FRY: variants seen among roughly 807,000 people sequenced by gnomAD.
FRY encodes protein furry homolog.
Under a neutral mutation model 348.4 loss-of-function variants are expected in FRY, and 128 were observed. The observed-to-expected ratio is 0.37, with a 90% CI of 0.32 to 0.43. FRY has a LOEUF of 0.43. Among genes scored for constraint, FRY ranks in the 20% least tolerant of loss-of-function variants. The pLI, the probability that FRY is intolerant of heterozygous loss-of-function variation, is 1.00. For synonymous variants in FRY, 1,370 were observed against 1,374.7 expected, an observed-to-expected ratio of 1.00 and a Z score of 0.08; for missense variants, 2,736 against 3,695.2, an observed-to-expected ratio of 0.74 and a Z score of 6.73.
intron 31 of FRY, among the ~76,000 whole-genome samples, chr13:32,206,255 A>C (rs1194412326): frequency 6.6e-6 from 1 of 152,190 alleles, no homozygotes; most frequent in African/African-American, 2.4e-5. Context: ...GGTCCGAGGA[A>C]GAGCAGAAGG....
In FRY at chr13:32,289,194, G is replaced by A. The variant is rs1450291326; in HGVS notation, c.8470-439G>A. ...AAGCCTGACTGTTAGGTTTACACAA[G>A]CCCAGGCGTCTACAGAATTTATAAG... is the stretch of plus-strand genomic sequence containing the variant. On this transcript the variant is annotated intron_variant, in intron 58 of 60. Transcript: ENST00000542859. Among the ~76,000 whole-genome samples the A allele has an allele frequency of 2.0e-5, 3 of 152,222 alleles. No individual in the cohort carries two copies. The East Asian group carries it at 5.8e-4, about 29-fold the overall frequency.
At position 32,100,212 on chromosome 13, in the gene FRY, C is replaced by T. The variant is rs549347200; in HGVS notation, c.271-1751C>T. Reference sequence around the variant, plus strand: ...TCTCCTGCCTCAGCCTCCCGAGTAGCTGGGATTACGGGCACACACCACCTT... The same window carrying T: ...TCTCCTGCCTCAGCCTCCCGAGTAGTTGGGATTACGGGCACACACCACCTT... On this transcript the variant is annotated intron_variant, in intron 2 of 60. Coordinates refer to ENST00000542859, the MANE Select transcript of FRY (RefSeq NM_023037.3). 2.0e-5 allele frequency among the ~76,000 whole-genome samples: 3 copies of T among 152,024 alleles called. No homozygotes were observed. In the East Asian group the frequency reaches 5.8e-4, roughly 29 times the overall value.
chr13:32,229,585 C>A (rs1885798413), intron 40 of FRY, among the ~76,000 whole-genome samples: 1 of 152,130 alleles, frequency 6.6e-6, no homozygotes, highest in Non-Finnish European at 1.5e-5. Context: ...ACTTCAGAGA[C>A]CCGCATGATT....
intron 7 of FRY, among the ~76,000 whole-genome samples, chr13:32,127,778 C>CA (rs529590128): frequency 3.6e-4 from 52 of 143,708 alleles, no homozygotes; most frequent in Non-Finnish European, 5.4e-4. Context: ...GAATCCATCT[C>CA]AAAAAAAAAA....
At chr13:32,132,040 T>C (rs1468394014) in intron 8 of FRY, among the ~76,000 whole-genome samples, 200 bp downstream of exon 8, 1 of 152,116 alleles carries the variant, frequency 6.6e-6, no homozygotes, top group African/African-American at 2.4e-5. Context: ...TCATATATCT[T>C]TGGAGGAGAG....
At chr13:32,185,611 A>G (rs1882984129) in intron 26 of FRY, among the ~76,000 whole-genome samples, 1 of 152,234 alleles carries the variant, frequency 6.6e-6, no homozygotes, top group Admixed American at 6.5e-5. Context: ...TACATTATGG[A>G]GAAAATTATC....
intron 41 of FRY, 31 bp downstream of exon 41, chr13:32,231,331 T>G: frequency 6.2e-7 from 1 of 1,607,534 alleles, no homozygotes; most frequent in Non-Finnish European, 8.5e-7. Context: ...AGATCCCTCT[T>G]TCAGCATTGT....
chr13:32,167,584 G>A (rs1227632666), intron 17 of FRY, among the ~76,000 whole-genome samples: 2 of 152,084 alleles, frequency 1.3e-5, no homozygotes, highest in Non-Finnish European at 2.9e-5. Context: ...TCCAAATAAG[G>A]TCACATTCTG....
chr13:32,187,443 C>T, intron 27 of FRY, 103 bp from the exon 28 acceptor site: 1 of 747,700 alleles, frequency 1.3e-6, no homozygotes, highest in African/African-American at 1.7e-5. Context: ...TTAGAGGGCC[C>T]TTATCATTTA....
At chr13:32,118,230 CT>C (rs543757749) in intron 4 of FRY, among the ~76,000 whole-genome samples, 245 of 151,932 alleles carry the variant, frequency 1.6e-3, no homozygotes, top group Middle Eastern at 3.4e-3. Flanking sequence ...ATACACTTAC[CT>C]TTTTTAAAAA....
At chr13:32,051,372 A>G (rs536335210) in intron 1 of FRY, among the ~76,000 whole-genome samples, 5 of 152,320 alleles carry the variant, frequency 3.3e-5, no homozygotes, top group Admixed American at 1.3e-4. Flanking sequence ...TGGCAAGAGC[A>G]GATGGAAGGG....
intron 2 of FRY, among the ~76,000 whole-genome samples, chr13:32,079,353 T>C (rs189511774): frequency 6.6e-6 from 1 of 152,106 alleles, no homozygotes; most frequent in Non-Finnish European, 1.5e-5. Flanking sequence ...GTTCAGAGTC[T>C]CTGTGATATA....
chr13:32,207,971 C>A (rs558004369), intron 31 of FRY, among the ~76,000 whole-genome samples: 8 of 152,236 alleles, frequency 5.3e-5, no homozygotes, highest in African/African-American at 1.9e-4. Context: ...TCGGAGCCTA[C>A]TGCATATACA....
chr13:32,260,893 G>T (rs540385780), intron 51 of FRY, among the ~76,000 whole-genome samples: 110 of 152,346 alleles, frequency 7.2e-4, no homozygotes, highest in African/African-American at 2.2e-3. Context: ...CACTTTGGGA[G>T]GCCGAGGCAG....
rs1372306992 is a variant in FRY, at chr13:32,225,777, G to C, written c.5021-12G>C. 4 of 1,606,718 alleles carry C rather than the reference G, an allele frequency of 2.5e-6. No individual in the cohort carries two copies. The highest frequency in any genetic ancestry group is 3.4e-6 in the Non-Finnish European group (4 of 1,173,326). Reference sequence around the variant, plus strand: ...CGTTTGTTTATACTTAGATTCTACTGTTTTGTTCCAGGTTTAGACCACTAC... The same window carrying C: ...CGTTTGTTTATACTTAGATTCTACTCTTTTGTTCCAGGTTTAGACCACTAC... On this transcript the variant is annotated splice_polypyrimidine_tract_variant and intron_variant, in intron 38 of 60. Transcript: ENST00000542859.
intron 2 of FRY, among the ~76,000 whole-genome samples, chr13:32,095,842 G>A (rs1876670211): frequency 6.6e-6 from 1 of 152,084 alleles, no homozygotes; most frequent in South Asian, 2.1e-4. Flanking sequence ...TGAGACTTAC[G>A]GATCTTTCCC....
In FRY at chr13:32,295,731, C is replaced by T. The variant is rs1003947833; in HGVS notation, c.*271C>T. ...TTGACCGAGCATATGCAACTCGCTA[C>T]TGAAGAAGTGACTTCCGTTGCATAC... On this transcript the variant is annotated 3_prime_UTR_variant, in exon 61 of 61. Transcript: ENST00000542859. The T allele has an allele frequency of 2.0e-5, 11 of 541,874 alleles. No individual in the cohort carries two copies. Among genetic ancestry groups the T allele is most frequent in the Admixed American group, 1.3e-4 (4 of 31,774 alleles). 33.6% of individuals were successfully genotyped at this position (541,874 alleles called of 1,614,324 possible). A position where few individuals can be genotyped will look rare whatever the true frequency, so the allele number is the denominator to read the frequency against.
chr13:32,224,061 A>T (rs573112362), intron 36 of FRY, among the ~76,000 whole-genome samples, 174 bp from the exon 37 acceptor site: 1 of 151,904 alleles, frequency 6.6e-6, no homozygotes, highest in Non-Finnish European at 1.5e-5. Flanking sequence ...GATCAATCCA[A>T]TGCACTCCAG....
chr13:32,263,138 CAT>C (rs1257726833), intron 53 of FRY, among the ~76,000 whole-genome samples: 1 of 152,124 alleles, frequency 6.6e-6, no homozygotes, highest in African/African-American at 2.4e-5. Flanking sequence ...CATCTATGCC[CAT>C]CAGTATAGAA....
Sources: allele counts gnomAD v4.1 joint callset (sites outside exome capture counted in the v4.1 genomes callset), GRCh38; gene constraint gnomAD v4.1.1; transcripts MANE v1.5; gene names NCBI Gene and HGNC (gene_info 2026-07-23, HGNC 2026-07-21).